Variants in MOV10L1 observed in about 807,000 individuals in gnomAD.
The protein encoded by MOV10L1 is RNA helicase Mov10l1.
Under a neutral mutation model 143.8 loss-of-function variants are expected in MOV10L1, and 110 were observed. That is an observed-to-expected ratio of 0.76 (90% confidence interval 0.66 to 0.90). The LOEUF is 0.90. MOV10L1 is among the 40% of genes least tolerant of loss of function. The pLI is 0.00. For synonymous variants in MOV10L1, 593 were observed against 581.1 expected (o/e 1.02, Z -0.29); for missense variants, 1,406 against 1,526.8 (o/e 0.92, Z 1.32).
chr22:50,148,663 CTT>C (rs66866727), intron 19 of MOV10L1, among the ~76,000 whole-genome samples: 97 of 139,954 alleles, frequency 6.9e-4, no homozygotes, highest in Admixed American at 9.3e-4. Context: ...TTCTTTTTTT[CTT>C]TTTTTTTTTT....
intron 5 of MOV10L1, 110 bp downstream of exon 5, chr22:50,108,954 G>C: frequency 9.9e-7 from 1 of 1,008,314 alleles, no homozygotes; most frequent in Non-Finnish European, 1.5e-6. Flanking sequence ...AGACCAGCCT[G>C]ACCAACGTGG....
chr22:50,124,267 C>G (rs901893334), intron 10 of MOV10L1, among the ~76,000 whole-genome samples: 5 of 152,182 alleles, frequency 3.3e-5, no homozygotes, highest in Admixed American at 3.3e-4. Flanking sequence ...TTGTGCTGCT[C>G]CCATAAGTCT....
Position 50,145,685 on chromosome 22 carries a change from C to A in MOV10L1, c.2506-4C>A, listed in dbSNP as rs749908541. The stretch of plus-strand genomic sequence containing the variant: ...AAACTAACTCTACGCCTCCTTGCCC[C>A]CAGATAGTTATTGACGCCGTCAAAC... On this transcript the variant is annotated splice_polypyrimidine_tract_variant and splice_region_variant and intron_variant, in intron 18 of 26. Coordinates refer to ENST00000262794, the MANE Select transcript of MOV10L1 (RefSeq NM_018995.3). 1.2e-6 allele frequency: 2 copies of A among 1,614,004 alleles called. No individual in the cohort carries two copies. Among genetic ancestry groups the A allele is most frequent in the Admixed American group, 1.7e-5 (1 of 60,022 alleles).
chr22:50,133,045 A>C (rs1182823413), intron 13 of MOV10L1, among the ~76,000 whole-genome samples: 3 of 150,888 alleles, frequency 2.0e-5, no homozygotes, highest in Non-Finnish European at 3.0e-5. Flanking sequence ...AAAAAAAAAA[A>C]ACCAAAGACA....
chr22:50,102,639 C>T (rs990002510), intron 3 of MOV10L1, among the ~76,000 whole-genome samples: 4 of 152,176 alleles, frequency 2.6e-5, no homozygotes, highest in Non-Finnish European at 5.9e-5. Context: ...CAGTGGCTCA[C>T]ACCTGTCATC....
chr22:50,141,875 G>GA (rs2062997633), intron 15 of MOV10L1, among the ~76,000 whole-genome samples: 2 of 152,156 alleles, frequency 1.3e-5, no homozygotes, highest in Admixed American at 6.5e-5. Context: ...CAAGTTTAAA[G>GA]AAAAAAGCAC....
At chr22:50,132,810 G>A (rs866671521) in intron 13 of MOV10L1, among the ~76,000 whole-genome samples, 2 of 152,106 alleles carry the variant, frequency 1.3e-5, no homozygotes, top group South Asian at 2.1e-4. Flanking sequence ...CAAGGCAGGC[G>A]GATCACCTGA....
At position 50,150,738 on chromosome 22, in the gene MOV10L1, G is replaced by C. The variant is rs760908056; in HGVS notation, c.2731G>C (p.Val911Leu). 6.2e-7 allele frequency: 1 copy of C among 1,613,604 alleles called. No individual in the cohort carries two copies. Among genetic ancestry groups the C allele is most frequent in the Non-Finnish European group, 8.5e-7 (1 of 1,179,894 alleles). Residue 911 changes from valine to leucine, a missense_variant, in exon 21 of 27, where the codon GTG becomes CTG. By Grantham distance (32) the Val-to-Leu change is conservative. Transcript: ENST00000262794. ...GAGACGGGCCCTCTGTGTGCAGATCGTGCTGGCAGGAGACCCCATGCAGCT... is the reference window on the plus strand; with the variant it reads ...GAGACGGGCCCTCTGTGTGCAGATCCTGCTGGCAGGAGACCCCATGCAGCT... The part of the protein sequence containing the change: ...GLMSDISGQI[V>L]LAGDPMQLGP...
chr22:50,145,571 A>G (rs2063130902), intron 18 of MOV10L1, 118 bp from the exon 19 acceptor site: 2 of 1,354,606 alleles, frequency 1.5e-6, no homozygotes, highest in East Asian at 4.6e-5. Context: ...ATTTTGAGAA[A>G]AAAACCTTAA....
intron 8 of MOV10L1, 132 bp downstream of exon 8, chr22:50,115,378 AC>A: frequency 9.5e-7 from 1 of 1,049,112 alleles, no homozygotes; most frequent in East Asian, 3.0e-5. Flanking sequence ...CAGCCTGGCC[AC>A]CATGGCGAAA....
At chr22:50,146,607 A>G (rs2063158865) in intron 19 of MOV10L1, among the ~76,000 whole-genome samples, 1 of 151,924 alleles carries the variant, frequency 6.6e-6, no homozygotes, top group Non-Finnish European at 1.5e-5. Flanking sequence ...CGGCCTGGAG[A>G]CAGGTCGCTC....
At chr22:50,106,336 T>A (rs1479820376) in intron 3 of MOV10L1, among the ~76,000 whole-genome samples, 3 of 146,128 alleles carry the variant, frequency 2.1e-5, no homozygotes, top group African/African-American at 7.7e-5. Context: ...TTTTTTTTTT[T>A]TTTTTTTTTT....
Position 50,159,633 on chromosome 22 carries a change from T to C in MOV10L1, c.3217-45T>C. ...AAAAAAGGAAAAGAAAAGAAATGGA[T>C]TTGTACAGTGTTATCTTTAGTCTTT... On this transcript the variant is annotated intron_variant, in intron 23 of 26. Coordinates refer to ENST00000262794, the MANE Select transcript of MOV10L1 (RefSeq NM_018995.3). The surrounding 1 kb of genome is among the most constrained non-coding windows in gnomAD (Gnocchi z 4.1). The C allele has an allele frequency of 8.0e-7, 1 of 1,250,702 alleles. No individual in the cohort carries two copies. Among genetic ancestry groups the C allele is most frequent in the Non-Finnish European group, 1.1e-6 (1 of 878,856 alleles). The allele number at this position is 1,250,702 out of a possible 1,614,324, so 77.5% of individuals were successfully genotyped here.
intron 13 of MOV10L1, among the ~76,000 whole-genome samples, chr22:50,129,067 G>T (rs1388344844): frequency 6.6e-6 from 1 of 152,158 alleles, no homozygotes; most frequent in Non-Finnish European, 1.5e-5. Context: ...TGGTTGACGT[G>T]TATAGGCCTT....
chr22:50,115,357 G>C lies in MOV10L1; in HGVS notation c.1259+111G>C, dbSNP rs568463457. The C allele has an allele frequency of 1.0e-4, 132 of 1,278,438 alleles. 1 individual carries two copies. In the African/African-American group the frequency reaches 1.8e-3, roughly 18 times the overall value. The allele number at this position is 1,278,438 out of a possible 1,614,324, so 79.2% of individuals were successfully genotyped here. A position where few individuals can be genotyped will look rare whatever the true frequency, so the allele number is the denominator to read the frequency against. On this transcript the variant is annotated intron_variant, in intron 8 of 26. Transcript: ENST00000262794. ...TGGCGGGTGGATCACCTGAGACCAG[G>C]AGTTCGAAACCAGCCTGGCCACCAT...
In MOV10L1 at chr22:50,114,935, A is replaced by G. The variant is rs192073788; in HGVS notation, c.1127-179A>G. On this transcript the variant is annotated intron_variant, in intron 7 of 26. Transcript: ENST00000262794. Reference sequence around the variant, plus strand: ...CACTTGGTAGTCACAGCCCTCTCCTACTTCCAGCTGCTCTCTCTCTTTATG... The same window carrying G: ...CACTTGGTAGTCACAGCCCTCTCCTGCTTCCAGCTGCTCTCTCTCTTTATG... 7.7e-4 allele frequency among the ~76,000 whole-genome samples: 117 copies of G among 152,216 alleles called. 2 individuals carry two copies. In the East Asian group the frequency reaches 0.018, roughly 23 times the overall value.
chr22:50,136,443 T>A (rs2147298739), intron 15 of MOV10L1, among the ~76,000 whole-genome samples: 1 of 152,378 alleles, frequency 6.6e-6, no homozygotes, highest in South Asian at 2.1e-4. Context: ...CAGATTTATC[T>A]TCCTTCCTGA....
In MOV10L1 at chr22:50,144,108, C is replaced by G; in HGVS notation, c.2370C>G (p.Ala790=). The change falls in exon 18 of 27, where the codon GCC becomes GCG. Residue 790 remains alanine, a synonymous_variant. Coordinates refer to ENST00000262794, the MANE Select transcript of MOV10L1 (RefSeq NM_018995.3). The part of the protein sequence containing the change: ...IIEAVLQVHF[A]LPDSRILVCA... ...TGTCTTTGATGAAGGTACACTTTGC[C>G]TTGCCGGACAGTCGGATTTTAGTCT... The G allele has an allele frequency of 6.2e-7, 1 of 1,608,838 alleles. No individual in the cohort carries two copies. The highest frequency in any genetic ancestry group is 8.5e-7 in the Non-Finnish European group (1 of 1,175,514).
chr22:50,140,966 T>C (rs537386577), intron 15 of MOV10L1, among the ~76,000 whole-genome samples: 1 of 152,162 alleles, frequency 6.6e-6, no homozygotes, highest in South Asian at 2.1e-4. Flanking sequence ...TTACAGATCA[T>C]AATGAAAAAA....
Sources: gnomAD v4.1 joint callset for allele counts (sites outside exome capture counted in the v4.1 genomes callset) on GRCh38, gnomAD v4.1.1 for gene constraint, Gnocchi (gnomAD v3.1) non-coding constraint, MANE v1.5 for transcripts, NCBI Gene and HGNC (gene_info 2026-07-23, HGNC 2026-07-21) for gene names.